POLR1E: variants seen among roughly 807,000 people sequenced by gnomAD.
The protein encoded by POLR1E is RNA polymerase I subunit E.
A neutral mutation model predicts 50.9 loss-of-function variants in POLR1E; 37 were observed. The ratio of observed to expected loss-of-function variants is 0.73; its 90% CI spans 0.56 to 0.96. The LOEUF (loss-of-function observed/expected upper bound fraction) is 0.96, where lower values mean the gene tolerates loss of function less well. Ranked by LOEUF, POLR1E falls within the 40% of genes least tolerant of loss-of-function variation. The pLI is 0.00. For synonymous variants in POLR1E, 166 were observed against 191.6 expected (o/e 0.87, Z 1.10); for missense variants, 426 against 518.1 (o/e 0.82, Z 1.73).
intron 3 of POLR1E, among the ~76,000 whole-genome samples, chr9:37,488,151 C>T (rs1162335203): frequency 2.6e-5 from 4 of 152,214 alleles, no homozygotes; most frequent in African/African-American, 9.6e-5. Flanking sequence ...CTAAAAACCT[C>T]ATTCATTTGT....
rs1820925503 is a variant in POLR1E at position 37,503,225 on chromosome 9, GT to G, written c.*27del. ...TAGACGCATGCTTTCCAGACAGGGC[GT>G]TTTGGCTGCATCACAGCCACTGGCT... On this transcript the variant is annotated 3_prime_UTR_variant, in exon 12 of 12. Coordinates refer to ENST00000377798, the MANE Select transcript of POLR1E (RefSeq NM_022490.4). 4 of 1,574,716 alleles carry G rather than the reference GT, an allele frequency of 2.5e-6. No individual in the cohort carries two copies. Among genetic ancestry groups the G allele is most frequent in the East Asian group, 4.5e-5 (2 of 44,112 alleles).
At chr9:37,490,417 C>T in intron 4 of POLR1E, 1 of 758,568 alleles carries the variant, frequency 1.3e-6, no homozygotes. Context: ...TTTTTAAACA[C>T]CTGTCACGCC....
intron 2 of POLR1E, among the ~76,000 whole-genome samples, chr9:37,487,149 G>A (rs1820591925): frequency 6.6e-6 from 1 of 152,178 alleles, no homozygotes; most frequent in Admixed American, 6.5e-5. Context: ...TCTTTGCTGT[G>A]GGGGCAGCAT....
chr9:37,500,155 T>TTTTTG (rs139118594), intron 9 of POLR1E, among the ~76,000 whole-genome samples: 51 of 146,126 alleles, frequency 3.5e-4, no homozygotes, highest in African/African-American at 6.9e-4. Context: ...AGCCAGTTGT[T>TTTTTG]TTTTGTTTTG....
intron 4 of POLR1E, among the ~76,000 whole-genome samples, chr9:37,492,120 G>A (rs910606126): frequency 2.6e-5 from 4 of 152,124 alleles, no homozygotes; most frequent in African/African-American, 4.8e-5. Flanking sequence ...TGGCACAGAG[G>A]TTAGATGACC....
chr9:37,500,973 G>C (rs1268963878), intron 10 of POLR1E, 52 bp downstream of exon 10: 4 of 1,505,718 alleles, frequency 2.7e-6, no homozygotes, highest in Non-Finnish European at 3.7e-6. Context: ...GTAGGTGGGG[G>C]TTGGGAGTGA....
chr9:37,486,586 T>C, intron 1 of POLR1E, 117 bp from the exon 2 acceptor site: 1 of 1,612,666 alleles, frequency 6.2e-7, no homozygotes, highest in African/African-American at 1.3e-5. Flanking sequence ...GACCCGAGCT[T>C]CCTTGCCATC....
intron 2 of POLR1E, 146 bp downstream of exon 2, chr9:37,486,952 A>T: frequency 1.1e-6 from 1 of 937,620 alleles, no homozygotes. Context: ...GCAGCCTGGG[A>T]TGTGGGGACA....
At position 37,498,206 on chromosome 9, in the gene POLR1E, A is replaced by C. The variant is rs775056104; in HGVS notation, c.868A>C (p.Arg290=). The part of the protein sequence containing the change: ...LDTLIKFRAH[R]VVKRKSALGP... ...TACCCTCATCAAATTTCGAGCTCAT[A>C]GGGTAGTTAAGCGGAAAAGTAAGTC... is the stretch of plus-strand genomic sequence containing the variant. The change falls in exon 9 of 12, where the codon AGG becomes CGG. Residue 290 remains arginine (R), a synonymous_variant. Coordinates refer to ENST00000377798, the MANE Select transcript of POLR1E (RefSeq NM_022490.4). The C allele has an allele frequency of 6.2e-7, 1 of 1,613,334 alleles. No homozygotes were observed. Among genetic ancestry groups the C allele is most frequent in the African/African-American group, 1.3e-5 (1 of 74,864 alleles).
At chr9:37,492,171 C>A (rs762357502) in intron 4 of POLR1E, 32 of 987,670 alleles carry the variant, frequency 3.2e-5, no homozygotes, top group Non-Finnish European at 4.0e-5. Context: ...AAGGCCACTC[C>A]AGAGCTTGTA....
At position 37,500,924 on chromosome 9, in the gene POLR1E, C is replaced by CA. The variant is rs1820876241; in HGVS notation, c.968+4dup. ...TGCTTGACCTACAACAATGGCAGGTCAGGGGGTGGTTGCTGGGATTTTTCT... is the reference window on the plus strand; with the variant it reads ...TGCTTGACCTACAACAATGGCAGGTCAAGGGGGTGGTTGCTGGGATTTTTCT... On this transcript the variant is annotated splice_donor_region_variant and intron_variant, in intron 10 of 11. Transcript: ENST00000377798. 7.4e-6 allele frequency: 12 copies of CA among 1,611,384 alleles called. No individual in the cohort carries two copies. Among genetic ancestry groups the CA allele is most frequent in the Admixed American group, 1.7e-5 (1 of 59,942 alleles).
At position 37,487,979 on chromosome 9, in the gene POLR1E, T is replaced by C. The variant is rs371655411; in HGVS notation, c.257+40T>C. 1.5e-4 allele frequency: 234 copies of C among 1,596,862 alleles called. 1 individual carries two copies. The highest frequency in any genetic ancestry group is 1.8e-4 in the Non-Finnish European group (209 of 1,165,480). On this transcript the variant is annotated intron_variant, in intron 3 of 11. Transcript: ENST00000377798. ...AGGGACAGTGGGAAGGGTGATGGGG[T>C]TGGGAGTGGTGGCAGCACTGGCACT... is the stretch of plus-strand genomic sequence containing the variant.
chr9:37,492,571 A>G, intron 4 of POLR1E, 86 bp from the exon 5 acceptor site: 2 of 1,254,380 alleles, frequency 1.6e-6, no homozygotes, highest in Non-Finnish European at 1.1e-6. Context: ...TTATTCTTAG[A>G]TAGACAAATG....
At chr9:37,490,390 G>T (rs1820660112) in intron 4 of POLR1E, 8 of 707,600 alleles carry the variant, frequency 1.1e-5, no homozygotes, top group Non-Finnish European at 2.1e-5. Flanking sequence ...CATTTTTACA[G>T]TCCAGAGGTC....
chr9:37,491,636 G>A (rs1820687396), intron 4 of POLR1E, among the ~76,000 whole-genome samples: 1 of 151,930 alleles, frequency 6.6e-6, no homozygotes, highest in Non-Finnish European at 1.5e-5. Context: ...GCTAATTTTT[G>A]TATTTTTAGT....
Position 37,486,140 on chromosome 9 carries a change from T to C in POLR1E, c.76+17T>C, listed in dbSNP as rs1423706200. The C allele has an allele frequency of 3.2e-6, 5 of 1,582,584 alleles. No homozygotes were observed. The East Asian group carries it at 1.1e-4, about 36-fold the overall frequency. On this transcript the variant is annotated intron_variant, in intron 1 of 11. Coordinates refer to ENST00000377798, the MANE Select transcript of POLR1E (RefSeq NM_022490.4). ...CTGTACTGGGTAAAGACTGCGGAGC[T>C]GGAGCAGTGCTCCTCTAACCCTCTC... is the stretch of plus-strand genomic sequence containing the variant.
At chr9:37,487,969 G>A (rs2118996377) in intron 3 of POLR1E, 30 bp downstream of exon 3, 2 of 1,609,250 alleles carry the variant, frequency 1.2e-6, no homozygotes, top group East Asian at 4.5e-5. Context: ...CAGTGGGAAG[G>A]GTGATGGGGT....
intron 4 of POLR1E, among the ~76,000 whole-genome samples, chr9:37,492,088 C>CT (rs61243674): frequency 0.18 from 27,339 of 152,006 alleles, 2,838 homozygotes; most frequent in East Asian, 0.26. Flanking sequence ...TACTGTTGTT[C>CT]TTTTTTTACC....
chr9:37,500,654 G>T (rs1391607530), intron 9 of POLR1E, among the ~76,000 whole-genome samples, 186 bp from the exon 10 acceptor site: 1 of 152,184 alleles, frequency 6.6e-6, no homozygotes, highest in Non-Finnish European at 1.5e-5. Flanking sequence ...CAAACTGCAG[G>T]CTGCAGCACA....
Sources: gnomAD v4.1 joint callset for allele counts (sites outside exome capture counted in the v4.1 genomes callset) on GRCh38, gnomAD v4.1.1 for gene constraint, MANE v1.5 for transcripts, NCBI Gene and HGNC (gene_info 2026-07-23, HGNC 2026-07-21) for gene names.